Variants in SLIT2 observed in about 807,000 individuals in gnomAD.
SLIT2 encodes slit homolog 2 protein.
In SLIT2, 41 loss-of-function variants were observed where a neutral mutation model predicts 185.7. That is an observed-to-expected ratio of 0.22 (90% CI 0.17 to 0.29). The LOEUF (loss-of-function observed/expected upper bound fraction) is 0.29, where lower values mean the gene tolerates loss of function less well. Among genes scored for constraint, SLIT2 ranks in the 10% least tolerant of loss-of-function variants. SLIT2 has a pLI of 1.00. For synonymous variants in SLIT2, 693 were observed against 680.2 expected (o/e 1.02, Z -0.29); for missense variants, 1,571 against 1,909.0 (o/e 0.82, Z 3.30).
intron 4 of SLIT2, among the ~76,000 whole-genome samples, chr4:20,279,174 A>C (rs1714481300): frequency 6.6e-6 from 1 of 152,186 alleles, no homozygotes; most frequent in Non-Finnish European, 1.5e-5. Flanking sequence ...TCATGTATTG[A>C]GGTTGGGAAA....
intron 26 of SLIT2, among the ~76,000 whole-genome samples, chr4:20,565,780 A>G (rs1725040261): frequency 6.6e-6 from 1 of 151,954 alleles, no homozygotes; most frequent in South Asian, 2.1e-4. Context: ...GGAACAGTTA[A>G]TTTTCTCCTA....
At chr4:20,394,075 A>G (rs1725680133) in intron 4 of SLIT2, among the ~76,000 whole-genome samples, 1 of 152,042 alleles carries the variant, frequency 6.6e-6, no homozygotes, top group African/African-American at 2.4e-5. Context: ...CCTCAATCAC[A>G]CAGTAAAAGA....
intron 9 of SLIT2, among the ~76,000 whole-genome samples, chr4:20,495,103 A>C (rs1010863113): frequency 2.6e-5 from 4 of 152,198 alleles, no homozygotes; most frequent in African/African-American, 7.2e-5. Flanking sequence ...AGAAGGTTCC[A>C]TTTTGATAGA....
At chr4:20,407,984 TA>T (rs879505317) in intron 4 of SLIT2, among the ~76,000 whole-genome samples, 5 of 152,168 alleles carry the variant, frequency 3.3e-5, no homozygotes, top group Admixed American at 6.6e-5. Context: ...GATGCTGTGA[TA>T]GGGGAACCCA....
rs76198503 is a variant in SLIT2, at chr4:20,329,068, C to T, written c.395+60187C>T. ...TTGTGTCACAGATATCTTCAGCTAA[C>T]GAATGTCCACTAGATAGAAGATAGC... On this transcript the variant is annotated intron_variant, in intron 4 of 36. Transcript: ENST00000504154. Among the ~76,000 whole-genome samples, 516 of 152,042 alleles carry T rather than the reference C, an allele frequency of 3.4e-3. 4 individuals carry two copies. Among genetic ancestry groups the T allele is most frequent in the African/African-American group, 0.012 (507 of 41,500 alleles).
At chr4:20,450,628 T>C (rs1712368233) in intron 4 of SLIT2, among the ~76,000 whole-genome samples, 1 of 152,228 alleles carries the variant, frequency 6.6e-6, no homozygotes, top group Admixed American at 6.6e-5. Context: ...TCAATCCAAC[T>C]GGGTACACTA....
intron 4 of SLIT2, among the ~76,000 whole-genome samples, chr4:20,273,392 T>C (rs1454220169): frequency 2.0e-5 from 3 of 152,120 alleles, no homozygotes; most frequent in Admixed American, 1.3e-4. Context: ...ACGTGTATTA[T>C]GAAAACTTTT....
intron 4 of SLIT2, 83 bp downstream of exon 4, chr4:20,268,964 T>C (rs1713318546): frequency 1.4e-5 from 12 of 851,092 alleles, no homozygotes; most frequent in Non-Finnish European, 1.6e-5. Flanking sequence ...TTGTGTGTGC[T>C]TTCCTGGAAT....
chr4:20,316,845 G>A (rs1443443848), intron 4 of SLIT2, among the ~76,000 whole-genome samples: 6 of 148,194 alleles, frequency 4.0e-5, no homozygotes, highest in Middle Eastern at 3.5e-3. Context: ...AATCTCCAGG[G>A]ATTCTTCCTA....
At chr4:20,308,550 C>T (rs13434430) in intron 4 of SLIT2, among the ~76,000 whole-genome samples, 107,780 of 151,940 alleles carry the variant, frequency 0.71, 38,592 homozygotes, top group East Asian at 0.93. Context: ...AGCTACATGA[C>T]CTTGAAAAGT....
At chr4:20,407,156 A>G (rs1377420725) in intron 4 of SLIT2, among the ~76,000 whole-genome samples, 1 of 152,170 alleles carries the variant, frequency 6.6e-6, no homozygotes, top group Non-Finnish European at 1.5e-5. Flanking sequence ...AAATGACTGA[A>G]AAGAGTTATA....
intron 30 of SLIT2, among the ~76,000 whole-genome samples, chr4:20,590,569 AT>A (rs1340792482): frequency 6.6e-6 from 1 of 152,146 alleles, no homozygotes; most frequent in East Asian, 1.9e-4. Flanking sequence ...CAACTTAAAT[AT>A]TTTTTGCATG....
At chr4:20,525,256 C>T (rs1026331904) in intron 15 of SLIT2, 84 bp downstream of exon 15, 1 of 988,832 alleles carries the variant, frequency 1.0e-6, no homozygotes, top group Non-Finnish European at 1.6e-6. Flanking sequence ...GATATGCATG[C>T]TTCTGAAAGT....
chr4:20,456,353 C>A (rs994800897), intron 4 of SLIT2, among the ~76,000 whole-genome samples: 39 of 152,098 alleles, frequency 2.6e-4, no homozygotes, highest in Admixed American at 2.6e-3. Flanking sequence ...TTTGTCTCTT[C>A]TTTCCATTGT....
intron 4 of SLIT2, among the ~76,000 whole-genome samples, chr4:20,308,962 T>C (rs1488893990): frequency 2.0e-5 from 3 of 152,158 alleles, no homozygotes; most frequent in Non-Finnish European, 2.9e-5. Context: ...TTGAGTCTTA[T>C]TTTGGAGGTT....
At chr4:20,609,674 T>C (rs1729060522) in intron 33 of SLIT2, among the ~76,000 whole-genome samples, 1 of 152,230 alleles carries the variant, frequency 6.6e-6, no homozygotes, top group Admixed American at 6.5e-5. Context: ...TCTTGGTAAA[T>C]GGACCTTTTA....
chr4:20,260,464 AAAATAAAAACATTAATTTTATTCTTG>A (rs1438504915), intron 3 of SLIT2, among the ~76,000 whole-genome samples: 2 of 151,894 alleles, frequency 1.3e-5, no homozygotes, highest in Non-Finnish European at 3.0e-5. Flanking sequence ...AGAACAAAAT[AAAATAAAAACATTAATTTTATTCTTG>A]TGTAATTTAT....
intron 26 of SLIT2, among the ~76,000 whole-genome samples, chr4:20,560,815 T>C (rs1560195910): frequency 6.6e-6 from 1 of 151,886 alleles, no homozygotes; most frequent in Admixed American, 6.6e-5. Context: ...GATATGTTTA[T>C]TCATTAATTA....
At chr4:20,608,792 A>G (rs1339232636) in intron 33 of SLIT2, among the ~76,000 whole-genome samples, 1 of 152,176 alleles carries the variant, frequency 6.6e-6, no homozygotes, top group East Asian at 1.9e-4. Flanking sequence ...CCATTTTACA[A>G]ATTTAAATAT....
Sources: allele counts gnomAD v4.1 joint callset (sites outside exome capture counted in the v4.1 genomes callset), GRCh38; gene constraint gnomAD v4.1.1; transcripts MANE v1.5; gene names NCBI Gene and HGNC (gene_info 2026-07-23, HGNC 2026-07-21).